Variants in NAV2 observed in about 807,000 individuals in gnomAD.
NAV2 encodes neuron navigator 2.
Under a neutral mutation model 223.2 loss-of-function variants are expected in NAV2, and 54 were observed. The ratio of observed to expected loss-of-function variants is 0.24; its 90% CI spans 0.19 to 0.30. NAV2 has a LOEUF of 0.30. NAV2 is among the 10% of genes least tolerant of loss of function. The pLI is 1.00. For missense variants in NAV2, 2,806 were observed against 3,147.5 expected (o/e 0.89, Z 2.60); for synonymous variants, 1,279 against 1,239.3 (o/e 1.03, Z -0.67).
At chr11:19,430,832 G>T (rs949941627) in intron 1 of NAV2, among the ~76,000 whole-genome samples, 1 of 152,180 alleles carries the variant, frequency 6.6e-6, no homozygotes, top group African/African-American at 2.4e-5. Flanking sequence ...CCTCAGAGAA[G>T]CTCCAGCCTC....
At chr11:19,541,232 G>A (rs908141359) in intron 1 of NAV2, among the ~76,000 whole-genome samples, 1 of 152,294 alleles carries the variant, frequency 6.6e-6, no homozygotes, top group Non-Finnish European at 1.5e-5. Flanking sequence ...ATTTGGGGTG[G>A]TGGCAAGGGA....
intron 1 of NAV2, among the ~76,000 whole-genome samples, chr11:19,362,739 C>T (rs976641594): frequency 1.3e-5 from 2 of 152,150 alleles, no homozygotes; most frequent in Admixed American, 1.3e-4. Context: ...CTCTGTGCCT[C>T]AGTTTCTTCA....
chr11:19,409,856 C>A (rs916970739), intron 1 of NAV2, among the ~76,000 whole-genome samples: 3 of 152,078 alleles, frequency 2.0e-5, no homozygotes, highest in Non-Finnish European at 4.4e-5. Context: ...TGTTTGACAC[C>A]AAAGTTTGAG....
intron 1 of NAV2, among the ~76,000 whole-genome samples, chr11:19,548,893 A>G (rs895790186): frequency 2.0e-5 from 3 of 151,776 alleles, no homozygotes; most frequent in East Asian, 3.9e-4. Flanking sequence ...AAAAAAAAAA[A>G]AAACACCCTC....
chr11:19,987,525 C>T (rs1469971780), intron 11 of NAV2, among the ~76,000 whole-genome samples: 1 of 152,194 alleles, frequency 6.6e-6, no homozygotes, highest in African/African-American at 2.4e-5. Context: ...CTGGGGAGAA[C>T]AGCTCTTCCA....
chr11:19,652,080 T>C (rs2047985902), intron 1 of NAV2, among the ~76,000 whole-genome samples: 1 of 152,196 alleles, frequency 6.6e-6, no homozygotes, highest in African/African-American at 2.4e-5. Context: ...TATTTCATAA[T>C]AACTCGGATG....
chr11:20,091,089 A>T, intron 27 of NAV2, 71 bp downstream of exon 27: 2 of 1,546,818 alleles, frequency 1.3e-6, no homozygotes, highest in South Asian at 2.3e-5. Flanking sequence ...GCTCTCCACT[A>T]AGCCCTGAGG....
intron 1 of NAV2, among the ~76,000 whole-genome samples, chr11:19,360,057 CTTG>C (rs1853843333): frequency 6.6e-6 from 1 of 152,212 alleles, no homozygotes; most frequent in South Asian, 2.1e-4. Flanking sequence ...CTTATCCCAT[CTTG>C]TTGTGCCTAG....
At chr11:19,603,631 C>CAAAAAAAAAAA (rs1222524445) in intron 1 of NAV2, among the ~76,000 whole-genome samples, 3 of 57,738 alleles carry the variant, frequency 5.2e-5, no homozygotes, top group Admixed American at 2.1e-4. Flanking sequence ...GACTCCATCT[C>CAAAAAAAAAAA]AAAAAAAAAA....
intron 1 of NAV2, among the ~76,000 whole-genome samples, chr11:19,802,269 T>C (rs562065439): frequency 1.5e-3 from 235 of 152,142 alleles, no homozygotes; most frequent in African/African-American, 5.5e-3. Flanking sequence ...ATGGAGCTTG[T>C]GCAAGGGATT....
At chr11:19,366,988 GA>G (rs1240296798) in intron 1 of NAV2, among the ~76,000 whole-genome samples, 4 of 152,152 alleles carry the variant, frequency 2.6e-5, no homozygotes, top group Non-Finnish European at 5.9e-5. Context: ...TAAGTCTGAT[GA>G]ATTCTCTTTG....
rs57991120 is a variant in NAV2, at chr11:19,766,426, G to A, written c.267+52464G>A. ...GTGAGGGGAACTGTCCAGCTCTCAG[G>A]AAGCTGATGTCATTAGAGCATCCCT... On this transcript the variant is annotated intron_variant, in intron 1 of 37. Transcript: ENST00000349880. Among the ~76,000 whole-genome samples the A allele has an allele frequency of 8.8e-3, 1,342 of 152,296 alleles. 20 individuals are homozygous for A. The highest frequency in any genetic ancestry group is 0.031 in the African/African-American group (1,287 of 41,552).
chr11:19,657,412 T>G (rs2048156999), intron 1 of NAV2, among the ~76,000 whole-genome samples: 1 of 152,212 alleles, frequency 6.6e-6, no homozygotes, highest in African/African-American at 2.4e-5. Flanking sequence ...TAGGCATTAT[T>G]TGAGGATTTG....
chr11:19,424,148 C>A (rs1190169274), intron 1 of NAV2, among the ~76,000 whole-genome samples: 1 of 152,166 alleles, frequency 6.6e-6, no homozygotes. Flanking sequence ...GAGCTCTGGC[C>A]TTATTCAATT....
At position 19,987,591 on chromosome 11, in the gene NAV2, G is replaced by A. The variant is rs905472644; in HGVS notation, c.2768+3344G>A. Among the ~76,000 whole-genome samples, 5 of 152,382 alleles carry A rather than the reference G, an allele frequency of 3.3e-5. No homozygotes were observed. The South Asian group carries it at 6.2e-4, about 19-fold the overall frequency. Reference sequence around the variant, plus strand: ...AGGCAGAACTTGCCTGTTTGCAGCAGAATGTGGCTGGGGTATCTTCAGGGT... The same window carrying A: ...AGGCAGAACTTGCCTGTTTGCAGCAAAATGTGGCTGGGGTATCTTCAGGGT... On this transcript the variant is annotated intron_variant, in intron 11 of 37. Coordinates refer to ENST00000349880, the MANE Select transcript of NAV2 (RefSeq NM_145117.5).
chr11:19,466,146 G>T (rs1270709646), intron 1 of NAV2, among the ~76,000 whole-genome samples: 1 of 152,172 alleles, frequency 6.6e-6, no homozygotes, highest in Non-Finnish European at 1.5e-5. Context: ...TTTTTATAGC[G>T]ATGTGCCAGA....
intron 6 of NAV2, among the ~76,000 whole-genome samples, chr11:19,917,560 G>T (rs1379553324): frequency 1.3e-5 from 2 of 152,042 alleles, no homozygotes; most frequent in Non-Finnish European, 2.9e-5. Flanking sequence ...GAAATATTCT[G>T]CTATCCCCCT....
At chr11:19,807,700 G>A (rs1176441880) in intron 1 of NAV2, among the ~76,000 whole-genome samples, 1 of 152,166 alleles carries the variant, frequency 6.6e-6, no homozygotes, top group East Asian at 1.9e-4. Flanking sequence ...CCCCACTGAA[G>A]TTCTCACCCA....
chr11:20,045,341 G>T lies in NAV2; in HGVS notation c.3573G>T (p.Arg1191=). Residue 1191 remains arginine (R), a synonymous_variant, in exon 14 of 38, where the codon CGG becomes CGT. Coordinates refer to ENST00000349880, the MANE Select transcript of NAV2 (RefSeq NM_145117.5). ...GCTCCCGGACAAACCTTCAGTACCG[G>T]AGTTTGCCGAGGCCCAGTAAGTCCA... ...ALSSRTNLQY[R]SLPRPSKSNS... 6.2e-7 allele frequency: 1 copy of T among 1,614,184 alleles called. No individual in the cohort carries two copies. The highest frequency in any genetic ancestry group is 8.5e-7 in the Non-Finnish European group (1 of 1,180,020).
Sources: allele counts gnomAD v4.1 joint callset (sites outside exome capture counted in the v4.1 genomes callset), GRCh38; gene constraint gnomAD v4.1.1; transcripts MANE v1.5; gene names NCBI Gene and HGNC (gene_info 2026-07-23, HGNC 2026-07-21).